The following SLC12A7 variants were observed in gnomAD, a reference collection of about 807,000 sequenced individuals.
SLC12A7 encodes solute carrier family 12 member 7.
SLC12A7 carries 100 observed loss-of-function variants against 120.6 expected under a neutral mutation model. That is an observed-to-expected ratio of 0.83 (90% CI 0.71 to 0.98). SLC12A7 has a LOEUF of 0.98. Among genes scored for constraint, SLC12A7 ranks in the 50% least tolerant of loss-of-function variants. The pLI is 0.00. For missense variants in SLC12A7, 1,373 were observed against 1,548.1 expected (o/e 0.89, Z 1.90); for synonymous variants, 760 against 678.0 (o/e 1.12, Z -1.88).
intron 9 of SLC12A7, 87 bp from the exon 10 acceptor site, chr5:1,079,583 G>T (rs1738774976): frequency 8.9e-7 from 1 of 1,124,918 alleles, no homozygotes; most frequent in Non-Finnish European, 1.3e-6. Context: ...TGGAAAGGCG[G>T]TCTCTGGGGA....
At chr5:1,138,025 C>T in the SLC12A7 span, among the ~76,000 whole-genome samples, 6 of 152,234 alleles carry the variant, frequency 3.9e-5, no homozygotes, top group Admixed American at 2.6e-4. Context: ...CCCGCCCCTC[C>T]TCTTCTCAGA....
intron 6 of SLC12A7, 52 bp downstream of exon 6, chr5:1,086,851 G>C: frequency 6.3e-7 from 1 of 1,597,306 alleles, no homozygotes. Flanking sequence ...GGGCCCCTTG[G>C]CATCCTGCCA....
At chr5:1,145,277 G>A in the SLC12A7 span, among the ~76,000 whole-genome samples, 67 of 152,398 alleles carry the variant, frequency 4.4e-4, no homozygotes, top group African/African-American at 1.5e-3. The surrounding 1 kb of genome is among the most constrained non-coding windows in gnomAD (Gnocchi z 4.4). Context: ...TCCATCACAC[G>A]GTCTGTGCAG....
chr5:1,155,538 G>T, the SLC12A7 span, among the ~76,000 whole-genome samples: 2 of 151,828 alleles, frequency 1.3e-5, no homozygotes, highest in Non-Finnish European at 2.9e-5. Flanking sequence ...CGGCAGGGGC[G>T]GGGCTCCGCT....
At chr5:1,146,892 T>G in the SLC12A7 span, among the ~76,000 whole-genome samples, 1 of 152,148 alleles carries the variant, frequency 6.6e-6, no homozygotes, top group Non-Finnish European at 1.5e-5. The surrounding 1 kb of genome is among the most constrained non-coding windows in gnomAD (Gnocchi z 6.5). Context: ...AATGTATATC[T>G]TAAATGTCTC....
chr5:1,062,958 A>T (rs1415511201), intron 20 of SLC12A7: 1 of 153,920 alleles, frequency 6.5e-6, no homozygotes, highest in Admixed American at 6.5e-5. Context: ...GTGGGGTCAG[A>T]ACCCACAAAG....
At chr5:1,078,059 C>T in intron 11 of SLC12A7, 52 bp from the exon 12 acceptor site, 1 of 1,514,494 alleles carries the variant, frequency 6.6e-7, no homozygotes, top group East Asian at 2.5e-5. Flanking sequence ...GAGCCTGAGT[C>T]AGACAAAATG....
chr5:1,067,865 C>T (rs528587361), intron 17 of SLC12A7, among the ~76,000 whole-genome samples: 9 of 152,154 alleles, frequency 5.9e-5, no homozygotes, highest in Middle Eastern at 3.4e-3. Flanking sequence ...AGCACCGTGT[C>T]GGGGACCCTG....
At chr5:1,131,100 C>T in the SLC12A7 span, among the ~76,000 whole-genome samples, 1 of 152,262 alleles carries the variant, frequency 6.6e-6, no homozygotes, top group Non-Finnish European at 1.5e-5. Flanking sequence ...CAAAGCAAAA[C>T]AGAGACTCAG....
At chr5:1,075,286 C>T in intron 15 of SLC12A7, 85 bp downstream of exon 15, 1 of 1,526,584 alleles carries the variant, frequency 6.6e-7, no homozygotes, top group Non-Finnish European at 8.9e-7. Context: ...CAGGGAGGCC[C>T]CTCCAGGGAG....
intron 1 of SLC12A7, among the ~76,000 whole-genome samples, chr5:1,097,679 C>T (rs1218082523): frequency 4.6e-5 from 7 of 152,152 alleles, no homozygotes; most frequent in East Asian, 3.8e-4. Flanking sequence ...AACGCGAGGA[C>T]GCACAGAAAA....
At chr5:1,148,126 A>G in the SLC12A7 span, among the ~76,000 whole-genome samples, 1 of 150,966 alleles carries the variant, frequency 6.6e-6, no homozygotes, top group Non-Finnish European at 1.5e-5. Context: ...GGCCATGGTC[A>G]CTCACATTGG....
chr5:1,111,767 T>G, intron 1 of SLC12A7, 101 bp downstream of exon 1: 1 of 1,122,604 alleles, frequency 8.9e-7, no homozygotes. Context: ...GGGCGCCTCC[T>G]GTACCCCCGG....
the SLC12A7 span, among the ~76,000 whole-genome samples, chr5:1,119,300 G>A: frequency 6.6e-6 from 1 of 152,208 alleles, no homozygotes; most frequent in Non-Finnish European, 1.5e-5. Flanking sequence ...TTTTCCCAGA[G>A]CCCTTTTGGG....
chr5:1,101,565 G>C (rs898287206), intron 1 of SLC12A7, among the ~76,000 whole-genome samples: 2 of 152,246 alleles, frequency 1.3e-5, no homozygotes. Flanking sequence ...TGAAGGCGGC[G>C]AGGTCAAGCC....
At chr5:1,067,390 G>C (rs1264302647) in intron 17 of SLC12A7, among the ~76,000 whole-genome samples, 1 of 152,238 alleles carries the variant, frequency 6.6e-6, no homozygotes, top group Non-Finnish European at 1.5e-5. Context: ...CGTCATGTGG[G>C]AAGAAGGCAG....
At position 1,060,328 on chromosome 5, in the gene SLC12A7, C is replaced by T. The variant is rs1428336817; in HGVS notation, c.2847+16G>A. On this transcript the variant is annotated intron_variant, in intron 21 of 23. Coordinates refer to ENST00000264930, the MANE Select transcript of SLC12A7 (RefSeq NM_006598.3). ...TCTCAGAAAGCCTGGTGTCTGTGGC[C>T]ACGGCCCCCACGTACCTCTCGCTCC... The T allele has an allele frequency of 1.3e-6, 2 of 1,592,998 alleles. No homozygotes were observed. Among genetic ancestry groups the T allele is most frequent in the African/African-American group, 1.3e-5 (1 of 74,596 alleles).
chr5:1,137,304 G>A, the SLC12A7 span, among the ~76,000 whole-genome samples: 2 of 152,134 alleles, frequency 1.3e-5, no homozygotes, highest in African/African-American at 4.8e-5. Flanking sequence ...TGTGCCCCGA[G>A]AAACCAAGGA....
At position 1,085,244 on chromosome 5, in the gene SLC12A7, G is replaced by C; in HGVS notation, c.905C>G (p.Pro302Arg). 1.2e-6 allele frequency: 2 copies of C among 1,612,570 alleles called. No homozygotes were observed. The highest frequency in any genetic ancestry group is 1.7e-6 in the Non-Finnish European group (2 of 1,179,846). Residue 302 changes from proline to arginine, a missense_variant, in exon 7 of 24, where the codon CCC becomes CGC. Pro to Arg is a moderately radical substitution (Grantham distance 103). Coordinates refer to ENST00000264930, the MANE Select transcript of SLC12A7 (RefSeq NM_006598.3). The part of the protein sequence containing the change: ...YAGVIKSAFD[P>R]PDIPVCLLGN... ...CCCCGAGACTCACGGGATGTCCGGGGGGTCGAAGGCAGACTTGATGACGCC... is the reference window on the plus strand; with the variant it reads ...CCCCGAGACTCACGGGATGTCCGGGCGGTCGAAGGCAGACTTGATGACGCC...
Sources: gnomAD v4.1 joint callset for allele counts (sites outside exome capture counted in the v4.1 genomes callset) on GRCh38, gnomAD v4.1.1 for gene constraint, Gnocchi (gnomAD v3.1) non-coding constraint, MANE v1.5 for transcripts, NCBI Gene and HGNC (gene_info 2026-07-23, HGNC 2026-07-21) for gene names.